B3GALT1: variants seen among roughly 807,000 people sequenced by gnomAD.
B3GALT1 encodes the protein beta-1,3-galactosyltransferase 1, also known as UDP-Gal:betaGlcNAc beta 1,3-galactosyltransferase, polypeptide 1.
A neutral mutation model predicts 23.2 loss-of-function variants in B3GALT1; 10 were observed. That is an observed-to-expected ratio of 0.43 (90% CI 0.27 to 0.73). The LOEUF (loss-of-function observed/expected upper bound fraction) is 0.73. Ranked by LOEUF, B3GALT1 falls within the 30% of genes least tolerant of loss-of-function variation. B3GALT1 has a pLI of 0.21. For missense variants in B3GALT1, 299 were observed against 405.4 expected (o/e 0.74, Z 2.25); for synonymous variants, 156 against 141.5 (o/e 1.10, Z -0.73).
At chr2:167,383,264 AT>A (rs1321542319) in intron 1 of B3GALT1, among the ~76,000 whole-genome samples, 1 of 151,890 alleles carries the variant, frequency 6.6e-6, no homozygotes, top group Non-Finnish European at 1.5e-5. Flanking sequence ...AACAGGGGTA[AT>A]AGTGATTCAA....
At chr2:167,503,793 C>T (rs932178505) in intron 2 of B3GALT1, among the ~76,000 whole-genome samples, 36 of 152,098 alleles carry the variant, frequency 2.4e-4, no homozygotes, top group Non-Finnish European at 4.3e-4. Context: ...TCCTTGATGC[C>T]CATCCACTTG....
At chr2:167,834,802 T>C (rs1217653700) in intron 4 of B3GALT1, among the ~76,000 whole-genome samples, 1 of 151,950 alleles carries the variant, frequency 6.6e-6, no homozygotes, top group Non-Finnish European at 1.5e-5. Context: ...TGAGCCAAGA[T>C]TGCAACACTG....
intron 1 of B3GALT1, among the ~76,000 whole-genome samples, chr2:167,317,713 T>C (rs1696740441): frequency 6.6e-6 from 1 of 152,142 alleles, no homozygotes; most frequent in South Asian, 2.1e-4. Flanking sequence ...TTGCATCATA[T>C]GATTTTTATA....
chr2:167,448,826 A>G (rs975090277), intron 1 of B3GALT1, among the ~76,000 whole-genome samples: 4 of 152,126 alleles, frequency 2.6e-5, no homozygotes, highest in African/African-American at 7.2e-5. Flanking sequence ...TGGCTTGCCA[A>G]TTATCCCAGG....
At chr2:167,617,250 GA>G (rs1304751056) in intron 2 of B3GALT1, among the ~76,000 whole-genome samples, 1 of 152,058 alleles carries the variant, frequency 6.6e-6, no homozygotes, top group Non-Finnish European at 1.5e-5. Context: ...AAGAGTTGAG[GA>G]GAAATGCTTT....
intron 2 of B3GALT1, among the ~76,000 whole-genome samples, chr2:167,583,850 A>G (rs917016822): frequency 2.6e-5 from 4 of 152,216 alleles, no homozygotes; most frequent in Non-Finnish European, 5.9e-5. Flanking sequence ...AAAAAAACCC[A>G]GGCTGCAAGC....
chr2:167,413,575 A>G (rs1698423968), intron 1 of B3GALT1, among the ~76,000 whole-genome samples: 1 of 151,956 alleles, frequency 6.6e-6, no homozygotes, highest in Non-Finnish European at 1.5e-5. Flanking sequence ...TAATGAATGC[A>G]TTCTGTTCAT....
In B3GALT1 at chr2:167,793,938, CTT is replaced by C. The variant is rs1688493013; in HGVS notation, c.-351-24732_-351-24731del. 5.9e-5 allele frequency among the ~76,000 whole-genome samples: 9 copies of C among 152,304 alleles called. 1 individual carries two copies. Among genetic ancestry groups the C allele is most frequent in the Admixed American group, 5.9e-4 (9 of 15,292 alleles). On this transcript the variant is annotated intron_variant, in intron 3 of 4. Transcript: ENST00000392690. ...AGAGATGAAGCAATCAGACCTGACA[CTT>C]TGCCACTCAGCTGATTCCCTTTTTT... is the stretch of plus-strand genomic sequence containing the variant.
intron 2 of B3GALT1, among the ~76,000 whole-genome samples, chr2:167,631,011 TAAAA>T (rs200929681): frequency 8.7e-6 from 1 of 115,604 alleles, no homozygotes; most frequent in Non-Finnish European, 1.8e-5. Context: ...GGATTGGGGG[TAAAA>T]AAAAGGGGGG....
chr2:167,573,185 T>C (rs1233650671), intron 2 of B3GALT1, among the ~76,000 whole-genome samples: 2 of 151,708 alleles, frequency 1.3e-5, no homozygotes, highest in African/African-American at 4.8e-5. Context: ...CTTCTGAAAA[T>C]AATTTCAGAA....
intron 2 of B3GALT1, among the ~76,000 whole-genome samples, chr2:167,539,127 AG>A (rs1683487785): frequency 6.6e-6 from 1 of 152,184 alleles, no homozygotes; most frequent in Non-Finnish European, 1.5e-5. Flanking sequence ...CAGTCCAATA[AG>A]AGTAACAAAT....
intron 1 of B3GALT1, among the ~76,000 whole-genome samples, chr2:167,294,332 G>A (rs377584257): frequency 4.2e-4 from 64 of 152,378 alleles, no homozygotes; most frequent in African/African-American, 1.5e-3. Context: ...ACCACGCAGA[G>A]TAACCAGGTT....
intron 2 of B3GALT1, among the ~76,000 whole-genome samples, chr2:167,554,261 C>T (rs1269252493): frequency 1.3e-5 from 2 of 152,172 alleles, no homozygotes; most frequent in African/African-American, 2.4e-5. Flanking sequence ...TCATGCTTAA[C>T]ATGTAGTAAG....
intron 2 of B3GALT1, among the ~76,000 whole-genome samples, chr2:167,564,631 C>A (rs1193769862): frequency 6.6e-6 from 1 of 152,140 alleles, no homozygotes; most frequent in East Asian, 1.9e-4. Flanking sequence ...GAGGCCGAGG[C>A]CGGCGGATCA....
At chr2:167,524,205 G>T (rs1399672601) in intron 2 of B3GALT1, among the ~76,000 whole-genome samples, 1 of 151,994 alleles carries the variant, frequency 6.6e-6, no homozygotes, top group Non-Finnish European at 1.5e-5. Flanking sequence ...TTTTCATGAG[G>T]TTGGACATAT....
chr2:167,584,223 G>C (rs531343524), intron 2 of B3GALT1, among the ~76,000 whole-genome samples: 1 of 152,296 alleles, frequency 6.6e-6, no homozygotes, highest in East Asian at 1.9e-4. Flanking sequence ...AAGTTAGGGA[G>C]ATGAAAATTA....
intron 4 of B3GALT1, among the ~76,000 whole-genome samples, chr2:167,822,258 G>A (rs1243080164): frequency 3.9e-5 from 6 of 152,118 alleles, no homozygotes; most frequent in Admixed American, 3.9e-4. Context: ...TAAATGCTAG[G>A]TCACTATTAC....
intron 3 of B3GALT1, among the ~76,000 whole-genome samples, chr2:167,721,624 G>A (rs1326973622): frequency 2.0e-5 from 3 of 152,190 alleles, no homozygotes; most frequent in African/African-American, 4.8e-5. Context: ...GAAAACTGGG[G>A]AAAGCTGTGC....
At chr2:167,479,839 G>T (rs1699536553) in intron 1 of B3GALT1, among the ~76,000 whole-genome samples, 1 of 152,046 alleles carries the variant, frequency 6.6e-6, no homozygotes, top group African/African-American at 2.4e-5. Flanking sequence ...CAGTCAAAAG[G>T]CTCAGAGGGT....
Sources: allele counts gnomAD v4.1 joint callset (sites outside exome capture counted in the v4.1 genomes callset), GRCh38; gene constraint gnomAD v4.1.1; transcripts MANE v1.5; gene names NCBI Gene and HGNC (gene_info 2026-07-23, HGNC 2026-07-21).